TCERG1L: variants seen among roughly 807,000 people sequenced by gnomAD.
TCERG1L encodes transcription elongation regulator 1 like, also known as transcription elongation regulator 1-like protein.
In TCERG1L, 37 loss-of-function variants were observed where a neutral mutation model predicts 56.3. The ratio of observed to expected loss-of-function variants is 0.66; its 90% confidence interval spans 0.51 to 0.87. TCERG1L has a LOEUF of 0.87. TCERG1L is among the 40% of genes least tolerant of loss of function. The pLI is 0.00. For missense variants in TCERG1L, 799 were observed against 774.2 expected (o/e 1.03, Z -0.38); for synonymous variants, 324 against 326.3 (o/e 0.99, Z 0.08).
At chr10:131,177,145 C>A (rs1198857611) in intron 4 of TCERG1L, among the ~76,000 whole-genome samples, 7 of 143,782 alleles carry the variant, frequency 4.9e-5, no homozygotes, top group Admixed American at 1.4e-4. Context: ...CACACACAGA[C>A]ACGTGTACAC....
intron 3 of TCERG1L, among the ~76,000 whole-genome samples, chr10:131,278,544 T>C (rs1473126957): frequency 6.6e-6 from 1 of 151,298 alleles, no homozygotes; most frequent in African/African-American, 2.4e-5. Flanking sequence ...GGTTTCACCA[T>C]GTTGGGCAGC....
chr10:131,107,238 C>T (rs1845361177), intron 9 of TCERG1L, among the ~76,000 whole-genome samples: 1 of 152,180 alleles, frequency 6.6e-6, no homozygotes, highest in Non-Finnish European at 1.5e-5. Flanking sequence ...CTGTGCATAG[C>T]CCGATGGTCC....
intron 4 of TCERG1L, among the ~76,000 whole-genome samples, chr10:131,243,996 G>A (rs538479003): frequency 2.6e-5 from 4 of 152,294 alleles, no homozygotes; most frequent in South Asian, 2.1e-4. Flanking sequence ...CTAAGGTTTC[G>A]GCTGTGCAGC....
intron 4 of TCERG1L, among the ~76,000 whole-genome samples, chr10:131,183,012 C>T (rs1550290): frequency 0.089 from 13,533 of 152,200 alleles, 750 homozygotes; most frequent in East Asian, 0.2. Flanking sequence ...TGATTTGTAA[C>T]GTCAGGCTGC....
intron 6 of TCERG1L, among the ~76,000 whole-genome samples, chr10:131,153,932 T>C (rs902126067): frequency 2.0e-5 from 3 of 152,128 alleles, no homozygotes; most frequent in Non-Finnish European, 4.4e-5. Context: ...GGTATGGAGT[T>C]GAACCAGAGT....
At chr10:131,297,980 A>G (rs1846716501) in intron 3 of TCERG1L, among the ~76,000 whole-genome samples, 2 of 152,000 alleles carry the variant, frequency 1.3e-5, no homozygotes, top group Non-Finnish European at 2.9e-5. Context: ...TATAAATTCT[A>G]TTGCTCTTCC....
intron 4 of TCERG1L, among the ~76,000 whole-genome samples, chr10:131,197,651 G>A (rs1256671093): frequency 1.3e-5 from 2 of 152,172 alleles, no homozygotes; most frequent in Non-Finnish European, 2.9e-5. Context: ...GTCTACCCAG[G>A]GAGATGGCCC....
At chr10:131,173,802 C>A (rs746655029) in intron 4 of TCERG1L, among the ~76,000 whole-genome samples, 7 of 152,176 alleles carry the variant, frequency 4.6e-5, no homozygotes, top group Non-Finnish European at 1.0e-4. Flanking sequence ...CCAGGGCCTG[C>A]CCCTCTACAC....
intron 1 of TCERG1L, among the ~76,000 whole-genome samples, chr10:131,310,418 A>G (rs1846873946): frequency 6.6e-6 from 1 of 152,250 alleles, no homozygotes; most frequent in African/African-American, 2.4e-5. Flanking sequence ...ATCTTTTAGA[A>G]AAGCTCACAA....
chr10:131,155,435 G>C (rs1845908692), intron 6 of TCERG1L, among the ~76,000 whole-genome samples: 1 of 152,236 alleles, frequency 6.6e-6, no homozygotes, highest in South Asian at 2.1e-4. Flanking sequence ...GGCTTGCCGG[G>C]AGGGCAGCAT....
At chr10:131,264,904 G>A (rs986734169) in intron 3 of TCERG1L, among the ~76,000 whole-genome samples, 7 of 152,164 alleles carry the variant, frequency 4.6e-5, no homozygotes, top group Admixed American at 2.0e-4. Flanking sequence ...AGGGTCCCAC[G>A]TCTGTGTAGA....
intron 11 of TCERG1L, among the ~76,000 whole-genome samples, chr10:131,093,805 C>G (rs1043540321): frequency 1.3e-5 from 2 of 152,166 alleles, no homozygotes; most frequent in East Asian, 3.9e-4. Context: ...GAAACTCGCC[C>G]TATCTAGAGG....
At chr10:131,115,930 G>A (rs1437935592) in intron 9 of TCERG1L, among the ~76,000 whole-genome samples, 2 of 152,176 alleles carry the variant, frequency 1.3e-5, no homozygotes, top group Admixed American at 6.5e-5. Context: ...AGGACCCTGG[G>A]AGTTACCAGC....
chr10:131,147,739 T>C (rs1037952634), intron 6 of TCERG1L, among the ~76,000 whole-genome samples: 4 of 152,236 alleles, frequency 2.6e-5, no homozygotes, highest in Non-Finnish European at 4.4e-5. Context: ...TACCCACCTC[T>C]AGCTATTGAC....
At chr10:131,104,182 A>G (rs1206682652) in intron 10 of TCERG1L, 83 bp downstream of exon 10, 1 of 989,012 alleles carries the variant, frequency 1.0e-6, no homozygotes, top group Non-Finnish European at 1.5e-6. Context: ...GTTATTGAGC[A>G]ATGAAAAGCT....
chr10:131,250,165 C>T (rs1462540569), intron 4 of TCERG1L, among the ~76,000 whole-genome samples: 3 of 152,238 alleles, frequency 2.0e-5, no homozygotes, highest in Non-Finnish European at 4.4e-5. Flanking sequence ...CCTCGCTCCC[C>T]TGCAGATCCT....
intron 7 of TCERG1L, among the ~76,000 whole-genome samples, chr10:131,141,303 C>T (rs1051018163): frequency 2.6e-5 from 4 of 152,154 alleles, no homozygotes; most frequent in African/African-American, 7.2e-5. Context: ...CAGACTCAAG[C>T]GCACCTTCTT....
rs118074196 is a variant in TCERG1L at position 131,163,191 on chromosome 10, C to A, written c.965G>T (p.Gly322Val). ...KEDKEPPPML[G>V]GGEDSTARGN... ...TCTGGCTGTGCTGTCCTCTCCTCCC[C>A]CCAGCATCGGTGGAGGCTCCTTTCA... The change falls in exon 6 of 12, where the codon GGG becomes GTG. Residue 322 changes from glycine (G) to valine (V), a missense_variant. Transcript: ENST00000368642. 3 of 1,557,852 alleles carry A rather than the reference C, an allele frequency of 1.9e-6. No individual in the cohort carries two copies. Among genetic ancestry groups the A allele is most frequent in the East Asian group, 2.4e-5 (1 of 42,332 alleles).
intron 4 of TCERG1L, among the ~76,000 whole-genome samples, chr10:131,217,711 T>C (rs1845685300): frequency 3.4e-5 from 1 of 29,500 alleles, no homozygotes; most frequent in Non-Finnish European, 5.9e-5. Flanking sequence ...AGCTGCCCTT[T>C]TTTTTTTTTT....
Sources: gnomAD v4.1 joint callset for allele counts (sites outside exome capture counted in the v4.1 genomes callset) on GRCh38, gnomAD v4.1.1 for gene constraint, MANE v1.5 for transcripts, NCBI Gene and HGNC (gene_info 2026-07-23, HGNC 2026-07-21) for gene names.